The following FAM13A variants were observed in gnomAD, a reference collection of about 807,000 sequenced individuals.
FAM13A encodes the protein family with sequence similarity 13 member A, also known as protein FAM13A.
FAM13A carries 76 observed loss-of-function variants against 129.6 expected under a neutral mutation model. The ratio of observed to expected loss-of-function variants is 0.59; its 90% CI spans 0.49 to 0.71. The LOEUF is 0.71. Ranked by LOEUF, FAM13A falls within the 30% of genes least tolerant of loss-of-function variation. FAM13A has a pLI of 0.00. For synonymous variants in FAM13A, 443 were observed against 449.9 expected, an observed-to-expected ratio of 0.98 and a Z score of 0.20; for missense variants, 1,108 against 1,249.3, an observed-to-expected ratio of 0.89 and a Z score of 1.70.
At chr4:88,920,693 T>C (rs1043753250) in intron 5 of FAM13A, among the ~76,000 whole-genome samples, 2 of 152,208 alleles carry the variant, frequency 1.3e-5, no homozygotes, top group Non-Finnish European at 2.9e-5. Flanking sequence ...GGAACAAAGC[T>C]GGACGGAGAA....
chr4:88,904,853 G>A (rs1747877209), intron 6 of FAM13A, among the ~76,000 whole-genome samples: 1 of 151,940 alleles, frequency 6.6e-6, no homozygotes, highest in South Asian at 2.1e-4. Flanking sequence ...TTCTTACTAA[G>A]GGAAACAAAA....
intron 1 of FAM13A, among the ~76,000 whole-genome samples, chr4:89,045,339 TAATG>T (rs888879442): frequency 6.6e-5 from 10 of 152,124 alleles, no homozygotes; most frequent in African/African-American, 2.4e-4. Flanking sequence ...AAAGTAGATA[TAATG>T]AAACATTTTT....
chr4:88,812,740 TTTG>T lies in FAM13A; in HGVS notation c.1008-7691_1008-7689del, dbSNP rs780225011. The stretch of plus-strand genomic sequence containing the variant: ...CTCAGAGGCTTGTCTCATTTCCAGA[TTTG>T]TTGTTATCTTTGTAACAACAGCACC... On this transcript the variant is annotated intron_variant, in intron 7 of 23. Transcript: ENST00000264344. Among the ~76,000 whole-genome samples, 158 of 152,302 alleles carry T rather than the reference TTTG, an allele frequency of 1.0e-3. 1 individual carries two copies. Among genetic ancestry groups the T allele is most frequent in the Middle Eastern group, 3.4e-3 (1 of 294 alleles).
At chr4:88,818,641 TCTCA>T (rs1332699613) in intron 7 of FAM13A, among the ~76,000 whole-genome samples, 3 of 152,184 alleles carry the variant, frequency 2.0e-5, no homozygotes, top group South Asian at 2.1e-4. Flanking sequence ...TCTTATTTGT[TCTCA>T]CTGACAGTGA....
At position 89,029,256 on chromosome 4, in the gene FAM13A, T is replaced by C. The variant is rs537278615; in HGVS notation, c.217+204A>G. Among the ~76,000 whole-genome samples the C allele has an allele frequency of 3.2e-4, 49 of 152,366 alleles. No homozygotes were observed. In the Middle Eastern group the frequency reaches 0.01, roughly 32 times the overall value. ...CTCTATAATTAAAGTGATTGCTCTA[T>C]GGTTAATCAAATTAGTACTGTCAAG... On this transcript the variant is annotated intron_variant, in intron 2 of 23. Transcript: ENST00000264344.
At position 88,809,842 on chromosome 4, in the gene FAM13A, A is replaced by AT. The variant is rs1481987644; in HGVS notation, c.1008-4791dup. ...TTTTGGTTTGGTCCCAATCAAGAAC[A>AT]TTAAAAAAAAAAAAGTCCCGGTGGG... On this transcript the variant is annotated intron_variant, in intron 7 of 23. Coordinates refer to ENST00000264344, the MANE Select transcript of FAM13A (RefSeq NM_014883.4). Among the ~76,000 whole-genome samples the AT allele has an allele frequency of 3.3e-5, 5 of 151,012 alleles. No individual in the cohort carries two copies. The East Asian group carries it at 9.7e-4, about 29-fold the overall frequency.
rs115516063 is a variant in FAM13A at position 88,753,046 on chromosome 4, G to A, written c.1727-2409C>T. On this transcript the variant is annotated intron_variant, in intron 14 of 23. Transcript: ENST00000264344. ...TTGATATTGGCATATGAGTGTGCTGGTTAGTTTGACATTTCTATTCATAAA... is the reference window on the plus strand; with the variant it reads ...TTGATATTGGCATATGAGTGTGCTGATTAGTTTGACATTTCTATTCATAAA... Among the ~76,000 whole-genome samples the A allele has an allele frequency of 1.8e-3, 274 of 152,306 alleles. 2 individuals carry two copies. Among genetic ancestry groups the A allele is most frequent in the African/African-American group, 5.7e-3 (238 of 41,554 alleles).
intron 8 of FAM13A, among the ~76,000 whole-genome samples, chr4:88,801,231 A>AT (rs1467329716): frequency 6.6e-6 from 1 of 152,168 alleles, no homozygotes; most frequent in Non-Finnish European, 1.5e-5. Context: ...AGCCAAAGTC[A>AT]TTTTTTTCTT....
At chr4:88,951,941 A>G (rs6837671) in intron 4 of FAM13A, among the ~76,000 whole-genome samples, 70,710 of 151,882 alleles carry the variant, frequency 0.47, 17,020 homozygotes, top group African/African-American at 0.6. Context: ...AAATTTGCAT[A>G]CTCTTAGAAG....
chr4:89,028,862 G>A (rs1448704947), intron 2 of FAM13A, among the ~76,000 whole-genome samples: 2 of 151,496 alleles, frequency 1.3e-5, no homozygotes, highest in African/African-American at 4.8e-5. Flanking sequence ...TCAAAAAGCT[G>A]TGGGCTTCAC....
intron 4 of FAM13A, among the ~76,000 whole-genome samples, chr4:88,962,879 A>G (rs753125847): frequency 3.9e-5 from 6 of 152,220 alleles, no homozygotes; most frequent in Non-Finnish European, 7.3e-5. Context: ...TATAAAGATT[A>G]ACGTTAGTTG....
chr4:88,878,141 T>G (rs1742890537), intron 6 of FAM13A, among the ~76,000 whole-genome samples: 1 of 151,784 alleles, frequency 6.6e-6, no homozygotes, highest in South Asian at 2.1e-4. Flanking sequence ...ATACAAAAAA[T>G]TAGCCAGGCG....
intron 4 of FAM13A, among the ~76,000 whole-genome samples, chr4:88,962,743 C>A (rs1462888865): frequency 6.6e-6 from 1 of 152,156 alleles, no homozygotes; most frequent in Non-Finnish European, 1.5e-5. Flanking sequence ...ACACATCAAC[C>A]TTTCTGGCCA....
rs1578519922 is a variant in FAM13A, at chr4:88,758,496, G to GA, written c.1726+257_1726+258insT. 1.2e-4 allele frequency among the ~76,000 whole-genome samples: 18 copies of GA among 150,200 alleles called. No individual in the cohort carries two copies. The East Asian group carries it at 1.8e-3, about 15-fold the overall frequency. On this transcript the variant is annotated intron_variant, in intron 14 of 23. Coordinates refer to ENST00000264344, the MANE Select transcript of FAM13A (RefSeq NM_014883.4). ...ATCAGCACTCCCGGTGAGTCACAAAGGAAAAAAAAAGGCCTGCAAGGTGAC... is the reference window on the plus strand; with the variant it reads ...ATCAGCACTCCCGGTGAGTCACAAAGAGAAAAAAAAAGGCCTGCAAGGTGAC...
At chr4:88,821,062 CGA>C (rs1731796310) in intron 7 of FAM13A, among the ~76,000 whole-genome samples, 1 of 152,150 alleles carries the variant, frequency 6.6e-6, no homozygotes, top group Non-Finnish European at 1.5e-5. Flanking sequence ...ATCATTACCA[CGA>C]GAGTCACAGA....
chr4:88,813,385 A>G (rs1730053130), intron 7 of FAM13A, among the ~76,000 whole-genome samples: 1 of 152,204 alleles, frequency 6.6e-6, no homozygotes, highest in Non-Finnish European at 1.5e-5. Context: ...TTTAGAACGT[A>G]AAATACAGTA....
intron 4 of FAM13A, among the ~76,000 whole-genome samples, chr4:88,961,589 G>A (rs535879086): frequency 1.3e-5 from 2 of 151,926 alleles, no homozygotes; most frequent in South Asian, 2.1e-4. Context: ...GGCTGGTCTC[G>A]AACTCCTGAC....
chr4:88,908,261 T>C lies in FAM13A; in HGVS notation c.760-1799A>G, dbSNP rs765756281. Among the ~76,000 whole-genome samples the C allele has an allele frequency of 2.1e-4, 32 of 152,252 alleles. 1 individual carries two copies. The highest frequency in any genetic ancestry group is 4.4e-5 in the Non-Finnish European group (3 of 68,048). The stretch of plus-strand genomic sequence containing the variant: ...CGCTTCTGACTCACTGTGAGAGGGA[T>C]AAACTATATCCAGCATGACATTTAG... On this transcript the variant is annotated intron_variant, in intron 5 of 23. Coordinates refer to ENST00000264344, the MANE Select transcript of FAM13A (RefSeq NM_014883.4).
chr4:88,813,744 A>G (rs1730112884), intron 7 of FAM13A, among the ~76,000 whole-genome samples: 1 of 152,174 alleles, frequency 6.6e-6, no homozygotes, highest in South Asian at 2.1e-4. Flanking sequence ...TGTGCACAGA[A>G]AAATGGGTCA....
Sources: gnomAD v4.1 joint callset for allele counts (sites outside exome capture counted in the v4.1 genomes callset) on GRCh38, gnomAD v4.1.1 for gene constraint, MANE v1.5 for transcripts, NCBI Gene and HGNC (gene_info 2026-07-23, HGNC 2026-07-21) for gene names.